GALNTL6: variants seen among roughly 807,000 people sequenced by gnomAD.
GALNTL6 encodes the protein polypeptide N-acetylgalactosaminyltransferase like 6, also known as polypeptide N-acetylgalactosaminyltransferase-like 6.
A neutral mutation model predicts 73.7 loss-of-function variants in GALNTL6; 46 were observed. That is an observed-to-expected ratio of 0.62 (90% confidence interval 0.49 to 0.80). The LOEUF (loss-of-function observed/expected upper bound fraction) is 0.80, where lower values mean the gene tolerates loss of function less well. GALNTL6 is among the 30% of genes least tolerant of loss of function. GALNTL6 has a pLI of 0.00. For missense variants in GALNTL6, 604 were observed against 755.0 expected (o/e 0.80, Z 2.34); for synonymous variants, 259 against 263.7 (o/e 0.98, Z 0.17).
At chr4:172,408,201 T>C (rs1362488311) in intron 5 of GALNTL6, among the ~76,000 whole-genome samples, 1 of 152,076 alleles carries the variant, frequency 6.6e-6, no homozygotes, top group Admixed American at 6.6e-5. Flanking sequence ...AGTGGAAATG[T>C]ATTCCATTAA....
At chr4:172,215,287 G>A (rs1025310752) in intron 2 of GALNTL6, among the ~76,000 whole-genome samples, 8 of 152,032 alleles carry the variant, frequency 5.3e-5, no homozygotes, top group African/African-American at 1.9e-4. Context: ...TATGGTTCAG[G>A]TCAACTCTAT....
intron 2 of GALNTL6, among the ~76,000 whole-genome samples, chr4:171,998,635 T>C (rs1215505139): frequency 6.6e-6 from 1 of 152,176 alleles, no homozygotes; most frequent in Non-Finnish European, 1.5e-5. Context: ...CATTTTGTTA[T>C]TTGTTGTTGC....
chr4:172,485,829 T>A (rs1733644822), intron 5 of GALNTL6, among the ~76,000 whole-genome samples: 1 of 152,130 alleles, frequency 6.6e-6, no homozygotes. Context: ...TGAGAAATGG[T>A]TCTAAATGTT....
intron 2 of GALNTL6, among the ~76,000 whole-genome samples, chr4:171,909,979 A>AAT (rs1737425015): frequency 1.3e-5 from 2 of 152,152 alleles, no homozygotes; most frequent in African/African-American, 2.4e-5. Flanking sequence ...GAATATGAAC[A>AAT]ATAATTGTGA....
At chr4:171,822,754 A>T (rs1431867693) in intron 2 of GALNTL6, among the ~76,000 whole-genome samples, 1 of 152,190 alleles carries the variant, frequency 6.6e-6, no homozygotes, top group Non-Finnish European at 1.5e-5. Flanking sequence ...TAAACCATAA[A>T]CCTGTTTTCA....
chr4:172,826,842 C>T (rs1742294580), intron 7 of GALNTL6, among the ~76,000 whole-genome samples: 1 of 152,158 alleles, frequency 6.6e-6, no homozygotes, highest in Non-Finnish European at 1.5e-5. Flanking sequence ...CAGTAAATTC[C>T]CAATTCAAAC....
chr4:171,881,309 G>A (rs2110911825), intron 2 of GALNTL6, among the ~76,000 whole-genome samples: 1 of 152,218 alleles, frequency 6.6e-6, no homozygotes, highest in East Asian at 1.9e-4. Flanking sequence ...GAGAAATCTT[G>A]TGTTTTTAAA....
intron 4 of GALNTL6, among the ~76,000 whole-genome samples, chr4:172,322,550 G>C (rs1304055902): frequency 6.6e-6 from 1 of 152,160 alleles, no homozygotes; most frequent in East Asian, 1.9e-4. Flanking sequence ...GGCTGTACAG[G>C]AAGCATGGCT....
At chr4:172,297,684 G>C (rs1227831143) in intron 3 of GALNTL6, among the ~76,000 whole-genome samples, 1 of 152,062 alleles carries the variant, frequency 6.6e-6, no homozygotes. Context: ...TTATTTCTGA[G>C]GGCTCTGTTC....
intron 8 of GALNTL6, among the ~76,000 whole-genome samples, chr4:172,911,821 TTA>T (rs1252158432): frequency 6.6e-6 from 1 of 152,240 alleles, no homozygotes; most frequent in Non-Finnish European, 1.5e-5. Flanking sequence ...GTTCCTTCCT[TTA>T]TGTCTAATGG....
At chr4:172,608,422 C>T (rs1738390725) in intron 5 of GALNTL6, among the ~76,000 whole-genome samples, 1 of 151,788 alleles carries the variant, frequency 6.6e-6, no homozygotes, top group African/African-American at 2.4e-5. Flanking sequence ...TCAACTTTGT[C>T]AAAGATCAGG....
At position 172,716,744 on chromosome 4, in the gene GALNTL6, A is replaced by G. The variant is rs367563088; in HGVS notation, c.554-92617A>G. 1.1e-4 allele frequency among the ~76,000 whole-genome samples: 16 copies of G among 152,356 alleles called. No homozygotes were observed. In the East Asian group the frequency reaches 2.9e-3, roughly 27 times the overall value. The stretch of plus-strand genomic sequence containing the variant: ...ATGCAAAAATCACAGCAGAATTTAA[A>G]AAGTGTACAAGTCAAAAATTATTTG... On this transcript the variant is annotated intron_variant, in intron 5 of 12. Transcript: ENST00000506823.
At chr4:171,887,570 A>G (rs1052932856) in intron 2 of GALNTL6, among the ~76,000 whole-genome samples, 1 of 152,196 alleles carries the variant, frequency 6.6e-6, no homozygotes, top group African/African-American at 2.4e-5. Context: ...CAGTGGTAAG[A>G]TAATTATAAA....
intron 5 of GALNTL6, among the ~76,000 whole-genome samples, chr4:172,360,142 A>T (rs1483515379): frequency 6.6e-6 from 1 of 152,242 alleles, no homozygotes; most frequent in African/African-American, 2.4e-5. Flanking sequence ...ACTCAAAAGA[A>T]GTCACATTGA....
chr4:172,984,008 A>G (rs1421313157), intron 10 of GALNTL6, among the ~76,000 whole-genome samples: 3 of 152,000 alleles, frequency 2.0e-5, no homozygotes, highest in African/African-American at 7.2e-5. Flanking sequence ...CACATTCTGC[A>G]TTCCAAAAAA....
chr4:172,185,891 TATCTC>T (rs751603240), intron 2 of GALNTL6, among the ~76,000 whole-genome samples: 9 of 152,176 alleles, frequency 5.9e-5, no homozygotes, highest in Non-Finnish European at 1.2e-4. Context: ...ATTACAGAAA[TATCTC>T]AACTATGCTA....
intron 5 of GALNTL6, among the ~76,000 whole-genome samples, chr4:172,681,339 C>T (rs564874182): frequency 3.9e-5 from 6 of 152,062 alleles, no homozygotes; most frequent in East Asian, 3.9e-4. Flanking sequence ...ACTCCCATGA[C>T]GTACACTTCA....
intron 5 of GALNTL6, among the ~76,000 whole-genome samples, chr4:172,737,444 T>C (rs62330821): frequency 0.096 from 14,538 of 152,162 alleles, 895 homozygotes; most frequent in East Asian, 0.21. Flanking sequence ...ATATATTTCA[T>C]AGTTGCAAGA....
At chr4:171,972,753 C>T (rs2111066915) in intron 2 of GALNTL6, among the ~76,000 whole-genome samples, 1 of 152,116 alleles carries the variant, frequency 6.6e-6, no homozygotes. Flanking sequence ...AAATGTCTGG[C>T]AAAGGATATT....
Sources: allele counts gnomAD v4.1 joint callset (sites outside exome capture counted in the v4.1 genomes callset), GRCh38; gene constraint gnomAD v4.1.1; transcripts MANE v1.5; gene names NCBI Gene and HGNC (gene_info 2026-07-23, HGNC 2026-07-21).